The following TMPRSS7 variants were observed in gnomAD, a reference collection of about 807,000 sequenced individuals.
TMPRSS7 encodes the protein transmembrane serine protease 7.
Under a neutral mutation model 95.6 loss-of-function variants are expected in TMPRSS7, and 81 were observed. The observed-to-expected ratio is 0.85, with a 90% CI of 0.71 to 1.02. The LOEUF (loss-of-function observed/expected upper bound fraction) is 1.02, where lower values mean the gene tolerates loss of function less well. TMPRSS7 is among the 50% of genes least tolerant of loss of function. TMPRSS7 has a pLI of 0.00. For synonymous variants in TMPRSS7, 364 were observed against 337.8 expected, an observed-to-expected ratio of 1.08 and a Z score of -0.85; for missense variants, 945 against 955.2, an observed-to-expected ratio of 0.99 and a Z score of 0.14.
chr3:112,078,155 T>C (rs575018733), intron 16 of TMPRSS7, among the ~76,000 whole-genome samples: 26 of 152,326 alleles, frequency 1.7e-4, no homozygotes, highest in Non-Finnish European at 3.1e-4. Context: ...GTAACTTTGA[T>C]AGGTTACTGT....
rs2073627884 is a variant in TMPRSS7 at position 112,070,319 on chromosome 3, G to A, written c.1666+3817G>A. ...ATGTATATTCTGTTGATTTGGGGTA[G>A]AGAGTTCTGTAGATGTCTATTAGGT... is the stretch of plus-strand genomic sequence containing the variant. On this transcript the variant is annotated intron_variant, in intron 13 of 17. Coordinates refer to ENST00000452346, the Ensembl canonical transcript of TMPRSS7. Among the ~76,000 whole-genome samples the A allele has an allele frequency of 2.0e-5, 3 of 152,202 alleles. No homozygotes were observed. The South Asian group carries it at 6.2e-4, about 31-fold the overall frequency.
At chr3:112,075,951 A>C (rs181650953) in intron 15 of TMPRSS7, among the ~76,000 whole-genome samples, 1 of 152,144 alleles carries the variant, frequency 6.6e-6, no homozygotes, top group Non-Finnish European at 1.5e-5. Context: ...AAAATCATTC[A>C]CTTCTCATTC....
At chr3:112,071,441 A>C (rs911850487) in intron 13 of TMPRSS7, among the ~76,000 whole-genome samples, 6 of 152,064 alleles carry the variant, frequency 3.9e-5, no homozygotes, top group African/African-American at 1.4e-4. Flanking sequence ...TGCTCTTTTC[A>C]AGGAGTATCT....
At chr3:112,056,910 C>A in intron 9 of TMPRSS7, 115 bp from the exon 10 acceptor site, 2 of 642,714 alleles carry the variant, frequency 3.1e-6, no homozygotes, top group South Asian at 2.0e-5. Flanking sequence ...CTGGTTTACC[C>A]CACTAAGGGC....
downstream of TMPRSS7, chr3:112,081,212 C>T (rs1358483794): frequency 2.7e-6 from 2 of 748,864 alleles, no homozygotes; most frequent in Non-Finnish European, 2.0e-6. Context: ...GCGGGCAGAT[C>T]ACGAGGTCAG....
intron 7 of TMPRSS7, among the ~76,000 whole-genome samples, chr3:112,048,652 T>C (rs1310156256): frequency 1.3e-5 from 2 of 152,216 alleles, no homozygotes; most frequent in Non-Finnish European, 2.9e-5. Flanking sequence ...TAACCGTGTC[T>C]ATGGATGTAT....
chr3:112,047,184 A>T (rs1016618316), intron 6 of TMPRSS7, among the ~76,000 whole-genome samples, 172 bp downstream of exon 6: 4 of 152,230 alleles, frequency 2.6e-5, no homozygotes, highest in African/African-American at 9.6e-5. Context: ...TAAGTGGGAC[A>T]TACATGGAGT....
intron 10 of TMPRSS7, among the ~76,000 whole-genome samples, chr3:112,057,712 T>C (rs1233212839): frequency 6.6e-6 from 1 of 152,056 alleles, no homozygotes; most frequent in Non-Finnish European, 1.5e-5. Flanking sequence ...ATAGTTTTGT[T>C]TTTTGTTTTG....
At chr3:112,072,240 CT>C (rs781389823) in intron 13 of TMPRSS7, among the ~76,000 whole-genome samples, 70 of 152,210 alleles carry the variant, frequency 4.6e-4, no homozygotes, top group Non-Finnish European at 8.4e-4. Flanking sequence ...TGCTAGAGGT[CT>C]ACTCCAGATG....
chr3:112,066,749 T>G lies in TMPRSS7; in HGVS notation c.1666+247T>G, dbSNP rs555742710. On this transcript the variant is annotated intron_variant, in intron 13 of 17. Coordinates refer to ENST00000452346, the Ensembl canonical transcript of TMPRSS7. Reference sequence around the variant, plus strand: ...TATGTGTGTGAGTGTGTGTGTGTGTTCATGTGTGAATACTGGCAGATTCTC... The same window carrying G: ...TATGTGTGTGAGTGTGTGTGTGTGTGCATGTGTGAATACTGGCAGATTCTC... Among the ~76,000 whole-genome samples, 4 of 152,064 alleles carry G rather than the reference T, an allele frequency of 2.6e-5. No individual in the cohort carries two copies. In the South Asian group the frequency reaches 8.3e-4, roughly 32 times the overall value.
exon 17 of TMPRSS7, chr3:112,078,789 G>A: frequency 6.2e-7 from 1 of 1,614,182 alleles, no homozygotes; most frequent in Non-Finnish European, 8.5e-7. Context: ...AGAGCTCATT[G>A]ATCAAACGCT....
intron 13 of TMPRSS7, among the ~76,000 whole-genome samples, chr3:112,073,230 T>C (rs918534441): frequency 1.3e-5 from 2 of 152,060 alleles, no homozygotes; most frequent in African/African-American, 2.4e-5. Flanking sequence ...TAGCTGGGAT[T>C]ACTGGTGCAC....
intron 3 of TMPRSS7, chr3:112,043,093 A>G (rs1253390035): frequency 2.2e-6 from 1 of 455,998 alleles, no homozygotes; most frequent in South Asian, 1.5e-5. Context: ...TGCCTCTAAT[A>G]TTTATACAGT....
At chr3:112,043,911 T>C (rs555796572) in intron 3 of TMPRSS7, among the ~76,000 whole-genome samples, 34 of 152,340 alleles carry the variant, frequency 2.2e-4, no homozygotes, top group African/African-American at 7.7e-4. Context: ...CAGACTACTG[T>C]ACTATGAAAA....
Position 112,051,668 on chromosome 3 carries a change from C to CATCTATCTATCTATCT in TMPRSS7, c.1203+898_1203+913dup, listed in dbSNP as rs5851813. Among the ~76,000 whole-genome samples, 665 of 128,054 alleles carry CATCTATCTATCTATCT rather than the reference C, an allele frequency of 5.2e-3. 9 individuals are homozygous for CATCTATCTATCTATCT. The highest frequency in any genetic ancestry group is 0.011 in the Admixed American group (142 of 12,398). The allele number at this position is 128,054 out of a possible 152,430, so 84.0% of individuals were successfully genotyped here. A position where few individuals can be genotyped will look rare whatever the true frequency, so the allele number is the denominator to read the frequency against. On this transcript the variant is annotated intron_variant, in intron 9 of 17. Coordinates refer to ENST00000452346, the Ensembl canonical transcript of TMPRSS7. Reference sequence around the variant, plus strand: ...TCTATCTATCTATCTATCTATCTATCATCTATCTATCTATCTATCTATCTA... The same window carrying CATCTATCTATCTATCT: ...TCTATCTATCTATCTATCTATCTATCATCTATCTATCTATCTATCTATCTATCTATCTATCTATCTA...
chr3:112,074,389 A>G (rs1477616772), exon 14 of TMPRSS7: 1 of 1,612,986 alleles, frequency 6.2e-7, no homozygotes, highest in Non-Finnish European at 8.5e-7. Flanking sequence ...GATTGTCCAG[A>G]TGGAAGTGAT....
At chr3:112,054,773 T>C (rs1190399961) in intron 9 of TMPRSS7, among the ~76,000 whole-genome samples, 2 of 132,498 alleles carry the variant, frequency 1.5e-5, no homozygotes, top group African/African-American at 2.7e-5. Context: ...CGGAGTCTCG[T>C]TCTGTCGCCC....
At chr3:112,050,769 A>G (rs769379393) in exon 9 of TMPRSS7, 4 of 1,595,316 alleles carry the variant, frequency 2.5e-6, no homozygotes, top group Non-Finnish European at 3.4e-6. Context: ...ATGCAAGTGT[A>G]CCTGGAAATT....
At chr3:112,062,732 T>G (rs1185300538) in intron 11 of TMPRSS7, among the ~76,000 whole-genome samples, 1 of 152,204 alleles carries the variant, frequency 6.6e-6, no homozygotes, top group Admixed American at 6.5e-5. Context: ...TTTTAAACCA[T>G]AACTATTTTC....
Sources: gnomAD v4.1 joint callset for allele counts (sites outside exome capture counted in the v4.1 genomes callset) on GRCh38, gnomAD v4.1.1 for gene constraint, MANE v1.5 for transcripts, NCBI Gene and HGNC (gene_info 2026-07-23, HGNC 2026-07-21) for gene names.